NCKAP1: variants seen among roughly 807,000 people sequenced by gnomAD.
NCKAP1 encodes nck-associated protein 1.
Under a neutral mutation model 151.2 loss-of-function variants are expected in NCKAP1, and 21 were observed. The observed-to-expected ratio is 0.14, with a 90% CI of 0.10 to 0.20. The LOEUF (loss-of-function observed/expected upper bound fraction) is 0.20, where lower values mean the gene tolerates loss of function less well. Ranked by LOEUF, NCKAP1 falls within the 10% of genes least tolerant of loss-of-function variation. NCKAP1 has a pLI of 1.00. For missense variants in NCKAP1, 933 were observed against 1,352.1 expected (o/e 0.69, Z 4.86); for synonymous variants, 484 against 451.8 (o/e 1.07, Z -0.90).
chr2:183,032,131 C>A (rs999177039), intron 1 of NCKAP1, among the ~76,000 whole-genome samples: 2 of 152,080 alleles, frequency 1.3e-5, no homozygotes, highest in African/African-American at 4.8e-5. Flanking sequence ...CAAGAGGATT[C>A]TATTATGTAT....
At chr2:183,019,136 A>G (rs1188075792) in intron 2 of NCKAP1, among the ~76,000 whole-genome samples, 1 of 152,202 alleles carries the variant, frequency 6.6e-6, no homozygotes, top group Non-Finnish European at 1.5e-5. Context: ...CTCGCCAGCA[A>G]TGTCCCTATT....
chr2:182,979,524 C>A (rs1575044136), intron 13 of NCKAP1, among the ~76,000 whole-genome samples: 2 of 152,002 alleles, frequency 1.3e-5, no homozygotes, highest in Admixed American at 6.6e-5. Flanking sequence ...AGCTTACAAA[C>A]AGTATAAATA....
Position 183,038,102 on chromosome 2 carries a change from TGGTGCTGGTGC to T in NCKAP1, c.-14_-4del. 1 of 1,551,946 alleles carries T rather than the reference TGGTGCTGGTGC, an allele frequency of 6.4e-7. No homozygotes were observed. Among genetic ancestry groups the T allele is most frequent in the Non-Finnish European group, 8.6e-7 (1 of 1,159,304 alleles). ...GGCTGCAGCACTGAGCGCGACATGGTGGTGCTGGTGCCGCCGCCGCCGCCGGCCGCCTCGCG... is the reference window on the plus strand; with the variant it reads ...GGCTGCAGCACTGAGCGCGACATGGTCGCCGCCGCCGCCGGCCGCCTCGCG... On this transcript the variant is annotated 5_prime_UTR_variant, in exon 1 of 31. Coordinates refer to ENST00000361354, the MANE Select transcript of NCKAP1 (RefSeq NM_013436.5).
intron 9 of NCKAP1, among the ~76,000 whole-genome samples, chr2:182,986,595 T>G (rs1285344786): frequency 2.6e-5 from 4 of 152,170 alleles, no homozygotes; most frequent in African/African-American, 9.6e-5. Context: ...AAGCTATCAT[T>G]TCTGACTTTT....
chr2:182,928,363 T>C (rs1696690623), intron 28 of NCKAP1, 137 bp from the exon 29 acceptor site: 1 of 587,864 alleles, frequency 1.7e-6, no homozygotes, highest in Non-Finnish European at 3.0e-6. Flanking sequence ...GGACTTGCTC[T>C]CCTTTGACTT....
intron 18 of NCKAP1, among the ~76,000 whole-genome samples, chr2:182,959,029 T>TA (rs2105829240): frequency 6.6e-6 from 1 of 152,364 alleles, no homozygotes; most frequent in South Asian, 2.1e-4. Flanking sequence ...TGTTTCTTTC[T>TA]AAGTTTTGTG....
intron 8 of NCKAP1, 24 bp from the exon 9 acceptor site, chr2:182,989,210 A>T (rs1330815860): frequency 2.9e-5 from 46 of 1,559,710 alleles, no homozygotes; most frequent in Non-Finnish European, 4.0e-5. Context: ...GAAAGCAAAT[A>T]CAAATGTAAA....
intron 6 of NCKAP1, among the ~76,000 whole-genome samples, chr2:182,999,289 T>C (rs1489059143): frequency 6.6e-6 from 1 of 151,946 alleles, no homozygotes; most frequent in East Asian, 1.9e-4. Flanking sequence ...GGAACTTAAA[T>C]CAACAAGAAA....
chr2:183,019,934 T>C (rs1174170483), intron 2 of NCKAP1, among the ~76,000 whole-genome samples: 1 of 152,108 alleles, frequency 6.6e-6, no homozygotes, highest in Non-Finnish European at 1.5e-5. Context: ...ATCATCACTG[T>C]AGAAGTCATG....
At chr2:182,983,520 G>T in intron 10 of NCKAP1, 138 bp from the exon 11 acceptor site, 2 of 551,652 alleles carry the variant, frequency 3.6e-6, no homozygotes, top group South Asian at 2.9e-5. Context: ...CATCTTCTAT[G>T]TGTCTATCGT....
chr2:183,029,680 C>T (rs1049751236), intron 1 of NCKAP1, among the ~76,000 whole-genome samples: 1 of 151,536 alleles, frequency 6.6e-6, no homozygotes, highest in Non-Finnish European at 1.5e-5. Context: ...ATTAGCCAAA[C>T]GTGGTGGTAA....
intron 20 of NCKAP1, among the ~76,000 whole-genome samples, chr2:182,954,575 T>C (rs1235345824): frequency 1.3e-5 from 2 of 152,048 alleles, no homozygotes; most frequent in Non-Finnish European, 2.9e-5. Flanking sequence ...AACCCACTAA[T>C]ATTCACAAGC....
intron 23 of NCKAP1, among the ~76,000 whole-genome samples, chr2:182,946,526 G>T (rs977547456): frequency 1.3e-5 from 2 of 151,700 alleles, no homozygotes; most frequent in African/African-American, 4.8e-5. Context: ...TAATCTGTGT[G>T]CCAAACCCAT....
Position 182,982,859 on chromosome 2 carries a change from A to G in NCKAP1, c.1170T>C (p.Asp390=). ...CGTCTGCACTCTTCTTTGGCATGTT[A>G]TCTGCATGACGAAGTAGCCAGATGA... ...DEIIWLLRHA[D]NMPKKSADDF... Residue 390 remains aspartate (D), a synonymous_variant, in exon 12 of 31, where the codon GAT becomes GAC. Coordinates refer to ENST00000361354, the MANE Select transcript of NCKAP1 (RefSeq NM_013436.5). 6.2e-7 allele frequency: 1 copy of G among 1,611,802 alleles called. No homozygotes were observed.
At chr2:182,981,103 T>C (rs112469327) in intron 13 of NCKAP1, 141 bp downstream of exon 13, 29 of 1,040,452 alleles carry the variant, frequency 2.8e-5, no homozygotes, top group African/African-American at 2.7e-4. Flanking sequence ...TCTTCCCTTC[T>C]AGGTAATGAT....
At chr2:182,946,154 T>C (rs7576281) in intron 23 of NCKAP1, among the ~76,000 whole-genome samples, 143,728 of 152,224 alleles carry the variant, frequency 0.94, 67,970 homozygotes, top group East Asian at 0.99. Flanking sequence ...AATCTCAGCA[T>C]TTTGGGAGGC....
At chr2:182,958,794 T>C (rs570166357) in intron 18 of NCKAP1, among the ~76,000 whole-genome samples, 1 of 152,186 alleles carries the variant, frequency 6.6e-6, no homozygotes, top group South Asian at 2.1e-4. Context: ...AAATGAGAAA[T>C]AAGAAATAAC....
intron 17 of NCKAP1, among the ~76,000 whole-genome samples, chr2:182,964,439 A>G (rs1267471219): frequency 6.6e-6 from 1 of 152,152 alleles, no homozygotes; most frequent in Admixed American, 6.5e-5. Flanking sequence ...CCCACCATTT[A>G]TCTTAAAAAA....
chr2:183,013,749 G>A (rs1340786935), intron 2 of NCKAP1, among the ~76,000 whole-genome samples: 2 of 152,140 alleles, frequency 1.3e-5, no homozygotes, highest in African/African-American at 4.8e-5. Context: ...GGTCCAGAAA[G>A]CCCTATATGA....
Sources: gnomAD v4.1 joint callset for allele counts (sites outside exome capture counted in the v4.1 genomes callset) on GRCh38, gnomAD v4.1.1 for gene constraint, MANE v1.5 for transcripts, NCBI Gene and HGNC (gene_info 2026-07-23, HGNC 2026-07-21) for gene names.